The following GALNT16 variants were observed in gnomAD, a reference collection of about 807,000 sequenced individuals.
GALNT16 encodes the protein polypeptide N-acetylgalactosaminyltransferase 16, also known as UDP-GalNAc:polypeptide N-acetylgalactosaminyltransferase-like protein 1.
Under a neutral mutation model 76.1 loss-of-function variants are expected in GALNT16, and 40 were observed. The observed-to-expected ratio is 0.53, with a 90% CI of 0.41 to 0.68. The LOEUF is 0.68. GALNT16 is among the 30% of genes least tolerant of loss of function. The pLI is 0.00. For missense variants in GALNT16, 621 were observed against 731.9 expected (o/e 0.85, Z 1.75); for synonymous variants, 276 against 285.2 (o/e 0.97, Z 0.32).
At chr14:69,318,297 C>T (rs1401958871) in intron 1 of GALNT16, among the ~76,000 whole-genome samples, 2 of 152,188 alleles carry the variant, frequency 1.3e-5, no homozygotes, top group Non-Finnish European at 2.9e-5. Flanking sequence ...ATTTCGAGGC[C>T]TTGGGAGGAA....
At chr14:69,270,920 GC>G (rs2044399503) in intron 1 of GALNT16, among the ~76,000 whole-genome samples, 1 of 147,214 alleles carries the variant, frequency 6.8e-6, no homozygotes, top group Non-Finnish European at 1.5e-5. Flanking sequence ...ACTGAGCACA[GC>G]CCCCACAAAT....
intron 1 of GALNT16, among the ~76,000 whole-genome samples, chr14:69,294,521 C>T (rs374228026): frequency 1.2e-3 from 187 of 152,294 alleles, no homozygotes; most frequent in South Asian, 2.7e-3. Context: ...ACTAAATTTA[C>T]ACTTGTGCAA....
chr14:69,277,226 T>G, intron 1 of GALNT16, among the ~76,000 whole-genome samples: 1 of 152,248 alleles, frequency 6.6e-6, no homozygotes, highest in East Asian at 1.9e-4. Context: ...TATTTTCTCC[T>G]TTTTTTATTA....
chr14:69,313,460 G>C (rs533224623), intron 1 of GALNT16, among the ~76,000 whole-genome samples: 2 of 152,362 alleles, frequency 1.3e-5, no homozygotes, highest in African/African-American at 4.8e-5. Flanking sequence ...TGATGCCTTG[G>C]CCTAGCCTTA....
intron 2 of GALNT16, among the ~76,000 whole-genome samples, chr14:69,321,196 C>T (rs925663132): frequency 6.6e-6 from 1 of 152,162 alleles, no homozygotes; most frequent in African/African-American, 2.4e-5. Context: ...ACTGGTGGTG[C>T]CTAAAGTGGA....
Position 69,333,249 on chromosome 14 carries a change from G to A in GALNT16, c.863+80G>A. On this transcript the variant is annotated intron_variant, in intron 8 of 14. Coordinates refer to ENST00000448469, the MANE Select transcript of GALNT16 (RefSeq NM_001168368.2). The surrounding 1 kb of genome is among the most constrained non-coding windows in gnomAD (Gnocchi z 4.2). ...GGGAGGCTCTTGGGAGGCTGTATCG[G>A]TCGCTTGGGCTCCTGAGGCGCACTA... 1 of 991,728 alleles carries A rather than the reference G, an allele frequency of 1.0e-6. No homozygotes were observed. The highest frequency in any genetic ancestry group is 1.5e-6 in the Non-Finnish European group (1 of 655,164). The allele number at this position is 991,728 out of a possible 1,614,324, so 61.4% of individuals were successfully genotyped here.
intron 9 of GALNT16, among the ~76,000 whole-genome samples, chr14:69,337,133 G>A (rs1268494383): frequency 6.6e-6 from 1 of 152,164 alleles, no homozygotes; most frequent in East Asian, 1.9e-4. Flanking sequence ...AGGGAATCTA[G>A]AGCAGTGTCT....
the GALNT16 span, among the ~76,000 whole-genome samples, chr14:69,366,413 C>G: frequency 6.6e-6 from 1 of 152,240 alleles, no homozygotes; most frequent in South Asian, 2.1e-4. Context: ...GCTTCCCCGA[C>G]TCTGCCTGAG....
intron 7 of GALNT16, among the ~76,000 whole-genome samples, chr14:69,332,852 C>G (rs1156535092): frequency 7.5e-6 from 1 of 133,740 alleles, no homozygotes; most frequent in Non-Finnish European, 1.6e-5. Context: ...TTAGTACTTT[C>G]ATCCCCAGCT....
chr14:69,347,430 G>C (rs76929749), intron 13 of GALNT16, among the ~76,000 whole-genome samples: 2,728 of 152,276 alleles, frequency 0.018, 78 homozygotes, highest in African/African-American at 0.06. Context: ...GTGCCCAGTT[G>C]TCTCCTGAGA....
intron 11 of GALNT16, among the ~76,000 whole-genome samples, chr14:69,341,298 C>T (rs948993444): frequency 9.9e-5 from 15 of 152,218 alleles, no homozygotes; most frequent in African/African-American, 3.6e-4. Context: ...ATGTTTAAAG[C>T]TTGCTCTTCC....
At chr14:69,323,754 T>C (rs1181428929) in intron 2 of GALNT16, among the ~76,000 whole-genome samples, 3 of 152,210 alleles carry the variant, frequency 2.0e-5, no homozygotes, top group African/African-American at 7.2e-5. Context: ...GACTCCTGCC[T>C]GTCTGACCTG....
At chr14:69,292,725 T>G (rs2044702870) in intron 1 of GALNT16, among the ~76,000 whole-genome samples, 3 of 152,250 alleles carry the variant, frequency 2.0e-5, no homozygotes, top group Admixed American at 1.3e-4. Context: ...GCACCTCATC[T>G]TTTTCTCATT....
intron 1 of GALNT16, among the ~76,000 whole-genome samples, chr14:69,264,608 T>C (rs1411515522): frequency 6.6e-6 from 1 of 152,068 alleles, no homozygotes; most frequent in Non-Finnish European, 1.5e-5. Flanking sequence ...TTATATTTTA[T>C]TTATAATGTG....
At chr14:69,303,331 C>G (rs752820081) in intron 1 of GALNT16, among the ~76,000 whole-genome samples, 6 of 152,046 alleles carry the variant, frequency 3.9e-5, no homozygotes, top group Non-Finnish European at 8.8e-5. Context: ...GGCTGGTTAG[C>G]CCAATAGCAT....
At chr14:69,325,521 C>T (rs11621539) in intron 4 of GALNT16, 117 bp downstream of exon 4, 12,143 of 730,706 alleles carry the variant, frequency 0.017, 399 homozygotes, top group Admixed American at 0.1. Flanking sequence ...TTTCTGCCCC[C>T]AGCAGGGATC....
At chr14:69,286,910 A>G (rs1001091379) in intron 1 of GALNT16, among the ~76,000 whole-genome samples, 1 of 152,202 alleles carries the variant, frequency 6.6e-6, no homozygotes, top group African/African-American at 2.4e-5. Context: ...AGGGAGTGTG[A>G]TCAGGCAGGT....
At chr14:69,269,600 G>A (rs2044381330) in intron 1 of GALNT16, among the ~76,000 whole-genome samples, 1 of 149,562 alleles carries the variant, frequency 6.7e-6, no homozygotes, top group African/African-American at 2.5e-5. Flanking sequence ...GGGTTTGTAT[G>A]TATGTGTGTT....
At chr14:69,361,672 A>T (rs185406319), downstream of GALNT16, among the ~76,000 whole-genome samples, 1,021 of 152,218 alleles carry the variant, frequency 6.7e-3, 7 homozygotes, top group Non-Finnish European at 9.0e-3. Flanking sequence ...CACAATCATC[A>T]TTTTGCAGAT....
Sources: allele counts gnomAD v4.1 joint callset (sites outside exome capture counted in the v4.1 genomes callset), GRCh38; gene constraint gnomAD v4.1.1; non-coding constraint Gnocchi (gnomAD v3.1); transcripts MANE v1.5; gene names NCBI Gene and HGNC (gene_info 2026-07-23, HGNC 2026-07-21).